MAST4: variants seen among roughly 807,000 people sequenced by gnomAD.
The protein encoded by MAST4 is microtubule associated serine/threonine kinase family member 4, also known as microtubule-associated serine/threonine-protein kinase 4.
Under a neutral mutation model 162.7 loss-of-function variants are expected in MAST4, and 89 were observed. That is an observed-to-expected ratio of 0.55 (90% CI 0.46 to 0.65). The LOEUF is 0.65. Ranked by LOEUF, MAST4 falls within the 30% of genes least tolerant of loss-of-function variation. The probability of loss-of-function intolerance (pLI) is 0.00; values close to 1 mark genes in which losing one functional copy is unlikely to be tolerated. For missense variants in MAST4, 3,153 were observed against 3,374.0 expected, an observed-to-expected ratio of 0.93 and a Z score of 1.62; for synonymous variants, 1,479 against 1,361.1, an observed-to-expected ratio of 1.09 and a Z score of -1.91.
rs535644142 is a variant in MAST4, at chr5:66,710,672, C to T, written c.364-49037C>T. On this transcript the variant is annotated intron_variant, in intron 1 of 28. Coordinates refer to ENST00000403625, the MANE Select transcript of MAST4 (RefSeq NM_001164664.2). ...TGAGAAGCATTGGTTGGTTGGTTTG[C>T]CAGGAATGTAATTCTTTCTCTTGTG... 4.3e-4 allele frequency among the ~76,000 whole-genome samples: 66 copies of T among 152,112 alleles called. 1 individual carries two copies. The highest frequency in any genetic ancestry group is 1.5e-3 in the African/African-American group (62 of 41,490).
Position 66,852,735 on chromosome 5 carries a change from G to A in MAST4, c.643-47216G>A, listed in dbSNP as rs181039664. ...AAATACCATTGCAATGCAAGTTCTC[G>A]GAGCTCCATTGTGTCAGTGGGTTTA... On this transcript the variant is annotated intron_variant, in intron 3 of 28. Coordinates refer to ENST00000403625, the MANE Select transcript of MAST4 (RefSeq NM_001164664.2). Among the ~76,000 whole-genome samples the A allele has an allele frequency of 1.3e-4, 20 of 152,186 alleles. No individual in the cohort carries two copies. In the East Asian group the frequency reaches 2.3e-3, roughly 18 times the overall value.
At chr5:66,658,830 T>G (rs935155162) in intron 1 of MAST4, among the ~76,000 whole-genome samples, 18 of 152,068 alleles carry the variant, frequency 1.2e-4, no homozygotes, top group Non-Finnish European at 2.2e-4. Flanking sequence ...CAGACTAGCC[T>G]GAGCAACATG....
intron 3 of MAST4, chr5:66,870,904 C>T (rs910758958): frequency 2.6e-5 from 12 of 469,362 alleles, no homozygotes; most frequent in Non-Finnish European, 3.5e-5. Context: ...GGCGTGGTCC[C>T]GCTGCGGTAA....
intron 4 of MAST4, among the ~76,000 whole-genome samples, chr5:66,978,278 T>C (rs1748378517): frequency 6.6e-6 from 1 of 152,236 alleles, no homozygotes; most frequent in East Asian, 1.9e-4. Flanking sequence ...GGGTGAGTTG[T>C]AGTAATGAGA....
At chr5:67,086,547 A>G (rs955688368) in intron 5 of MAST4, among the ~76,000 whole-genome samples, 2 of 152,194 alleles carry the variant, frequency 1.3e-5, no homozygotes, top group African/African-American at 2.4e-5. Flanking sequence ...CCTGACCACT[A>G]CTAAGGTTTA....
Position 67,142,141 on chromosome 5 carries a change from C to A in MAST4, c.2521C>A (p.Arg841=). The part of the protein sequence containing the change: ...TGGAYEVKQH[R]FFRSLDWNSL... ...TGGTGCATATGAAGTCAAACAGCAT[C>A]GATTCTTCCGTTCTTTAGACTGGAA... The change falls in exon 20 of 29, where the codon CGA becomes AGA. Residue 841 remains arginine, a synonymous_variant. Transcript: ENST00000403625. 6.2e-7 allele frequency: 1 copy of A among 1,613,866 alleles called. No individual in the cohort carries two copies. Among genetic ancestry groups the A allele is most frequent in the Non-Finnish European group, 8.5e-7 (1 of 1,179,804 alleles).
rs1292435836 is a variant in MAST4 at position 66,616,724 on chromosome 5, G to A, written c.363+19706G>A. Among the ~76,000 whole-genome samples, 8 of 152,136 alleles carry A rather than the reference G, an allele frequency of 5.3e-5. No individual in the cohort carries two copies. In the South Asian group the frequency reaches 1.7e-3, roughly 32 times the overall value. On this transcript the variant is annotated intron_variant, in intron 1 of 28. Transcript: ENST00000403625. ...GAAGGAACAGCCTAAGAGAGTGCCT[G>A]GAACACTGCACAGTCTATCTTCTGA...
intron 12 of MAST4, among the ~76,000 whole-genome samples, chr5:67,117,307 T>A (rs1011156291): frequency 6.6e-6 from 1 of 152,182 alleles, no homozygotes; most frequent in Non-Finnish European, 1.5e-5. Context: ...GCTAAGCTCC[T>A]TTTTATTCTG....
chr5:67,047,227 A>G (rs529347410), intron 4 of MAST4, among the ~76,000 whole-genome samples: 10 of 152,356 alleles, frequency 6.6e-5, no homozygotes, highest in African/African-American at 2.4e-4. Context: ...AAGTCAGGTT[A>G]TGTTCAGAAC....
intron 1 of MAST4, among the ~76,000 whole-genome samples, chr5:66,647,884 T>TA (rs1365119077): frequency 6.6e-6 from 1 of 152,114 alleles, no homozygotes; most frequent in Non-Finnish European, 1.5e-5. Context: ...ACTTTAGAAA[T>TA]ATAGAGGGAA....
chr5:66,820,074 C>T (rs1020419166), intron 3 of MAST4, among the ~76,000 whole-genome samples: 18 of 151,840 alleles, frequency 1.2e-4, no homozygotes, highest in African/African-American at 4.4e-4. Flanking sequence ...CCTGCCTCAG[C>T]CCCTCAAAGT....
At chr5:66,972,988 T>C (rs1277248937) in intron 4 of MAST4, among the ~76,000 whole-genome samples, 1 of 152,176 alleles carries the variant, frequency 6.6e-6, no homozygotes, top group Non-Finnish European at 1.5e-5. Flanking sequence ...TTTTAAAAAG[T>C]TGAAAAAATT....
Position 67,164,617 on chromosome 5 carries a change from C to T in MAST4, c.5438C>T (p.Pro1813Leu). Reference sequence around the variant, plus strand: ...CTGGACATTGCTCTCCTGTCCGGACCTCAGGCCTCCAAGACAGAACTGCCT... The same window carrying T: ...CTGGACATTGCTCTCCTGTCCGGACTTCAGGCCTCCAAGACAGAACTGCCT... ...GTLDIALLSG[P>L]QASKTELPSP... Residue 1813 changes from proline (P) to leucine (L), a missense_variant, in exon 29 of 29, where the codon CCT (proline) becomes CTT (leucine). Physicochemically the swap from Pro to Leu is moderately conservative, Grantham distance 98 (BLOSUM62 -3). Coordinates refer to ENST00000403625, the MANE Select transcript of MAST4 (RefSeq NM_001164664.2). The surrounding 1 kb of genome is among the most constrained non-coding windows in gnomAD (Gnocchi z 5.3). The T allele has an allele frequency of 1.9e-6, 3 of 1,614,002 alleles. No individual in the cohort carries two copies. Among genetic ancestry groups the T allele is most frequent in the Non-Finnish European group, 2.5e-6 (3 of 1,179,898 alleles).
chr5:66,891,342 C>T (rs2149946159), intron 3 of MAST4, among the ~76,000 whole-genome samples: 1 of 152,292 alleles, frequency 6.6e-6, no homozygotes, highest in Non-Finnish European at 1.5e-5. Flanking sequence ...CCTCCTCCTC[C>T]TCCTCACTGC....
At chr5:66,790,230 A>G (rs1178766925) in intron 3 of MAST4, among the ~76,000 whole-genome samples, 1 of 152,104 alleles carries the variant, frequency 6.6e-6, no homozygotes, top group Non-Finnish European at 1.5e-5. Context: ...ATAATGCAGT[A>G]ATGGATGCAG....
intron 4 of MAST4, among the ~76,000 whole-genome samples, chr5:66,916,079 T>C (rs1764099935): frequency 6.6e-6 from 1 of 152,244 alleles, no homozygotes; most frequent in Non-Finnish European, 1.5e-5. Flanking sequence ...ATCTCATTAG[T>C]AATTCTTATG....
chr5:66,650,253 C>G (rs1351077476), intron 1 of MAST4, among the ~76,000 whole-genome samples: 1 of 152,128 alleles, frequency 6.6e-6, no homozygotes, highest in Non-Finnish European at 1.5e-5. Context: ...GGGCTCATAT[C>G]TGCTTCATAT....
chr5:67,115,614 T>TA (rs1285476225), intron 12 of MAST4, among the ~76,000 whole-genome samples: 1 of 152,252 alleles, frequency 6.6e-6, no homozygotes, highest in African/African-American at 2.4e-5. Context: ...CCATGGCTTT[T>TA]AAATTACCAT....
intron 4 of MAST4, among the ~76,000 whole-genome samples, chr5:66,980,457 T>C (rs1035034458): frequency 2.0e-5 from 3 of 152,216 alleles, no homozygotes; most frequent in Non-Finnish European, 2.9e-5. Context: ...AAGTTTCTGC[T>C]AGTCAAAGCT....
Sources: gnomAD v4.1 joint callset for allele counts (sites outside exome capture counted in the v4.1 genomes callset) on GRCh38, gnomAD v4.1.1 for gene constraint, Gnocchi (gnomAD v3.1) non-coding constraint, MANE v1.5 for transcripts, NCBI Gene and HGNC (gene_info 2026-07-23, HGNC 2026-07-21) for gene names.